The following VTI1A variants were observed in gnomAD, a reference collection of about 807,000 sequenced individuals.
VTI1A encodes the protein vesicle transport through interaction with t-SNAREs homolog 1A.
A neutral mutation model predicts 34.9 loss-of-function variants in VTI1A; 22 were observed. The observed-to-expected ratio is 0.63, with a 90% CI of 0.45 to 0.90. The LOEUF (loss-of-function observed/expected upper bound fraction) is 0.90, where lower values mean the gene tolerates loss of function less well. Ranked by LOEUF, VTI1A falls within the 40% of genes least tolerant of loss-of-function variation. The pLI is 0.00. For missense variants in VTI1A, 268 were observed against 275.6 expected, an observed-to-expected ratio of 0.97 and a Z score of 0.20; for synonymous variants, 87 against 97.3, an observed-to-expected ratio of 0.89 and a Z score of 0.62.
At position 112,681,299 on chromosome 10, in the gene VTI1A, T is replaced by C. The variant is rs966122474; in HGVS notation, c.560+12301T>C. On this transcript the variant is annotated intron_variant, in intron 7 of 7. Coordinates refer to ENST00000393077, the MANE Select transcript of VTI1A (RefSeq NM_145206.4). ...TCTCCTTATATTGCCAAGGCTGATC[T>C]CAAACTCCTGGCCTCAAGCAATCCT... Among the ~76,000 whole-genome samples the C allele has an allele frequency of 7.2e-5, 11 of 152,194 alleles. No individual in the cohort carries two copies. The South Asian group carries it at 2.3e-3, about 32-fold the overall frequency.
chr10:112,579,072 A>G (rs879650024), intron 5 of VTI1A, among the ~76,000 whole-genome samples: 1 of 152,240 alleles, frequency 6.6e-6, no homozygotes, highest in Non-Finnish European at 1.5e-5. Context: ...AACTTACAGA[A>G]TAGTATCAGC....
intron 7 of VTI1A, among the ~76,000 whole-genome samples, chr10:112,727,510 T>C (rs1564901614): frequency 6.6e-6 from 1 of 152,146 alleles, no homozygotes; most frequent in Non-Finnish European, 1.5e-5. Context: ...TTATAAGCAG[T>C]CATTAACTTC....
chr10:112,823,895 AG>A, the VTI1A span: 1 of 152,224 alleles, frequency 6.6e-6, no homozygotes, highest in Non-Finnish European at 1.5e-5. Context: ...TGTGGGCCCT[AG>A]GGGGCCACTG....
chr10:112,495,635 T>C (rs1389777930), intron 3 of VTI1A, among the ~76,000 whole-genome samples: 1 of 152,108 alleles, frequency 6.6e-6, no homozygotes, highest in Admixed American at 6.5e-5. Context: ...CAGAAGAGAG[T>C]TAAATATCAA....
At chr10:112,824,313 C>A in the VTI1A span, 6 of 152,334 alleles carry the variant, frequency 3.9e-5, no homozygotes, top group African/African-American at 1.2e-4. Flanking sequence ...CAGTGGCTCA[C>A]ACCTGTAATC....
chr10:112,584,785 G>A lies in VTI1A; in HGVS notation c.427+46455G>A, dbSNP rs113911460. ...ATTCAACAGAGAAGGAAATGTAGGC[G>A]CAGGAGGTTCCATAGCCTCCTTACA... is the stretch of plus-strand genomic sequence containing the variant. On this transcript the variant is annotated intron_variant, in intron 5 of 7. Transcript: ENST00000393077. 3.2e-3 allele frequency among the ~76,000 whole-genome samples: 482 copies of A among 152,286 alleles called. 4 individuals carry two copies. Among genetic ancestry groups the A allele is most frequent in the African/African-American group, 0.011 (467 of 41,560 alleles).
At chr10:112,501,353 A>G (rs1564802897) in intron 3 of VTI1A, among the ~76,000 whole-genome samples, 4 of 152,310 alleles carry the variant, frequency 2.6e-5, no homozygotes, top group African/African-American at 7.2e-5. Context: ...TTTCAGTTTT[A>G]TAAGTGAAAT....
At chr10:112,495,049 C>CA (rs1848962105) in intron 3 of VTI1A, among the ~76,000 whole-genome samples, 1 of 151,930 alleles carries the variant, frequency 6.6e-6, no homozygotes, top group Non-Finnish European at 1.5e-5. Flanking sequence ...TATATGAATG[C>CA]AAAAACTGAT....
chr10:112,524,355 G>A lies in VTI1A; in HGVS notation c.265-2732G>A, dbSNP rs80191944. ...AGCATTGTTGTGTCGTGCTCATGAG[G>A]AACTGTTTCTGATATTTGAAATGAG... On this transcript the variant is annotated intron_variant, in intron 3 of 7. Transcript: ENST00000393077. Among the ~76,000 whole-genome samples the A allele has an allele frequency of 9.3e-3, 1,416 of 152,152 alleles. 14 individuals are homozygous for A. The highest frequency in any genetic ancestry group is 0.015 in the Non-Finnish European group (1,012 of 67,982).
the VTI1A span, among the ~76,000 whole-genome samples, chr10:112,841,032 C>G: frequency 6.6e-6 from 1 of 152,180 alleles, no homozygotes. Context: ...GTGCGGCCAT[C>G]TCAGCCAGCA....
rs142137912 is a variant in VTI1A at position 112,464,620 on chromosome 10, G to A, written c.227G>A (p.Ser76Asn). The A allele has an allele frequency of 7.9e-4, 1,269 of 1,612,570 alleles. 2 individuals are homozygous for A. Among genetic ancestry groups the A allele is most frequent in the Non-Finnish European group, 1.0e-3 (1,198 of 1,179,016 alleles). Residue 76 changes from serine to asparagine, a missense_variant, in exon 3 of 8, where the codon AGC (serine) becomes AAC (asparagine). Coordinates refer to ENST00000393077, the MANE Select transcript of VTI1A (RefSeq NM_145206.4). ...GGGATGTACAGCAACAGAATGAGAA[G>A]CTACAAACAAGAAATGGGAAAACTC... The part of the protein sequence containing the change: ...SRGMYSNRMR[S>N]YKQEMGKLET...
Position 112,783,391 on chromosome 10 carries a change from G to C in VTI1A, c.561-31899G>C, listed in dbSNP as rs550485416. On this transcript the variant is annotated intron_variant, in intron 7 of 7. Transcript: ENST00000393077. ...ACATATGAGTTGTATGTGCATGCCC[G>C]CGTGCACGTGCACACACACACACAC... is the stretch of plus-strand genomic sequence containing the variant. Among the ~76,000 whole-genome samples, 3 of 106,208 alleles carry C rather than the reference G, an allele frequency of 2.8e-5. No individual in the cohort carries two copies. In the South Asian group the frequency reaches 8.5e-4, roughly 30 times the overall value. The allele number at this position is 106,208 out of a possible 152,430, so 69.7% of individuals were successfully genotyped here.
At chr10:112,649,867 G>A (rs1846942879) in intron 5 of VTI1A, among the ~76,000 whole-genome samples, 1 of 152,122 alleles carries the variant, frequency 6.6e-6, no homozygotes, top group Non-Finnish European at 1.5e-5. Context: ...TGATATAAGA[G>A]ATAAAAAATG....
chr10:112,507,895 C>T (rs578168569), intron 3 of VTI1A, among the ~76,000 whole-genome samples: 1 of 152,252 alleles, frequency 6.6e-6, no homozygotes, highest in East Asian at 1.9e-4. Flanking sequence ...TTCCCCCACT[C>T]CACCACGAAT....
chr10:112,531,482 G>GAAAAAA (rs11284977), intron 4 of VTI1A, among the ~76,000 whole-genome samples: 2 of 140,110 alleles, frequency 1.4e-5, no homozygotes, highest in African/African-American at 2.6e-5. Context: ...CCTAAGCAAA[G>GAAAAAA]AAAAAAAAAA....
intron 7 of VTI1A, among the ~76,000 whole-genome samples, chr10:112,793,283 C>T (rs10787465): frequency 0.55 from 83,410 of 152,040 alleles, 23,101 homozygotes; most frequent in South Asian, 0.67. Flanking sequence ...GTTTGTGATC[C>T]TTTGCTGAAA....
chr10:112,610,175 CT>C (rs11333912), intron 5 of VTI1A, among the ~76,000 whole-genome samples: 114,424 of 145,980 alleles, frequency 0.78, 45,558 homozygotes, highest in African/African-American at 0.92. Flanking sequence ...CTTTTCCAGT[CT>C]TTTTTTTTTT....
rs554500868 is a variant in VTI1A, at chr10:112,756,541, C to T, written c.561-58749C>T. 4.9e-4 allele frequency among the ~76,000 whole-genome samples: 75 copies of T among 152,284 alleles called. 1 individual carries two copies. The highest frequency in any genetic ancestry group is 1.6e-4 in the Non-Finnish European group (11 of 68,022). ...AAAGCCGGTCTTTATTAAACACCTA[C>T]TACATGTCCAACACTGGTGTTCAGG... On this transcript the variant is annotated intron_variant, in intron 7 of 7. Coordinates refer to ENST00000393077, the MANE Select transcript of VTI1A (RefSeq NM_145206.4).
the VTI1A span, among the ~76,000 whole-genome samples, chr10:112,830,849 A>ATATTTTTTTTT: frequency 6.0e-5 from 2 of 33,512 alleles, no homozygotes; most frequent in East Asian, 1.5e-3. Context: ...ATATATATAT[A>ATATTTTTTTTT]TTTTTTTTTT....
Sources: allele counts gnomAD v4.1 joint callset (sites outside exome capture counted in the v4.1 genomes callset), GRCh38; gene constraint gnomAD v4.1.1; transcripts MANE v1.5; gene names NCBI Gene and HGNC (gene_info 2026-07-23, HGNC 2026-07-21).